SLC24A2: variants seen among roughly 807,000 people sequenced by gnomAD.
The protein encoded by SLC24A2 is sodium/potassium/calcium exchanger 2.
SLC24A2 carries 36 observed loss-of-function variants against 62.0 expected under a neutral mutation model. The ratio of observed to expected loss-of-function variants is 0.58; its 90% confidence interval spans 0.44 to 0.77. The LOEUF (loss-of-function observed/expected upper bound fraction) is 0.77. Among genes scored for constraint, SLC24A2 ranks in the 30% least tolerant of loss-of-function variants. The pLI is 0.00. For missense variants in SLC24A2, 846 were observed against 817.9 expected, an observed-to-expected ratio of 1.03 and a Z score of -0.42; for synonymous variants, 358 against 294.0, an observed-to-expected ratio of 1.22 and a Z score of -2.23.
intron 2 of SLC24A2, 117 bp from the exon 3 acceptor site, chr9:19,622,416 C>T: frequency 9.2e-7 from 1 of 1,089,320 alleles, no homozygotes; most frequent in South Asian, 1.3e-5. Flanking sequence ...ATTCTTTCTG[C>T]TCCTGGGATG....
At chr9:19,686,562 G>C (rs1405572136) in intron 2 of SLC24A2, among the ~76,000 whole-genome samples, 1 of 152,040 alleles carries the variant, frequency 6.6e-6, no homozygotes, top group Non-Finnish European at 1.5e-5. Flanking sequence ...TTTAATCATG[G>C]GGCGGTTACC....
chr9:19,887,060 G>A, the SLC24A2 span, among the ~76,000 whole-genome samples: 4 of 152,098 alleles, frequency 2.6e-5, no homozygotes, highest in Non-Finnish European at 5.9e-5. Context: ...AAGGGGACAG[G>A]GGAAGGGAGA....
chr9:19,654,491 T>C (rs558711401), intron 2 of SLC24A2, among the ~76,000 whole-genome samples: 2 of 152,180 alleles, frequency 1.3e-5, no homozygotes, highest in Non-Finnish European at 2.9e-5. Context: ...GATTGCTCCA[T>C]TGTGGAATCT....
At position 19,557,599 on chromosome 9, in the gene SLC24A2, C is replaced by CAGCT. The variant is rs1183811692; in HGVS notation, c.1348-7335_1348-7332dup. On this transcript the variant is annotated intron_variant, in intron 7 of 10. Transcript: ENST00000341998. The stretch of plus-strand genomic sequence containing the variant: ...TGTGCTGAATAAATGCTGGCAGGGC[C>CAGCT]AGCTAGTCAAGGCATGCAGCTGCCA... Among the ~76,000 whole-genome samples the CAGCT allele has an allele frequency of 2.6e-5, 4 of 152,314 alleles. No individual in the cohort carries two copies. The East Asian group carries it at 7.7e-4, about 29-fold the overall frequency.
the SLC24A2 span, among the ~76,000 whole-genome samples, chr9:19,985,970 T>C: frequency 6.6e-6 from 1 of 152,082 alleles, no homozygotes; most frequent in African/African-American, 2.4e-5. Flanking sequence ...AATGATATTA[T>C]TAAGAAAGTG....
At chr9:19,760,174 C>A (rs1014407418) in intron 2 of SLC24A2, among the ~76,000 whole-genome samples, 1 of 151,940 alleles carries the variant, frequency 6.6e-6, no homozygotes, top group Non-Finnish European at 1.5e-5. Context: ...TGTAGCTGGG[C>A]AATCACTCGG....
chr9:19,990,922 G>GATATATATATGTGTATGTATATAT, the SLC24A2 span, among the ~76,000 whole-genome samples: 1 of 120,812 alleles, frequency 8.3e-6, no homozygotes, highest in Non-Finnish European at 1.6e-5. Context: ...GGACTAATAG[G>GATATATATATGTGTATGTATATAT]ATATATATAT....
the SLC24A2 span, among the ~76,000 whole-genome samples, chr9:20,032,675 G>A: frequency 6.6e-6 from 1 of 152,176 alleles, no homozygotes; most frequent in South Asian, 2.1e-4. Context: ...TTCAGTTAAT[G>A]TGGACAAGGA....
At chr9:20,299,400 G>A in the SLC24A2 span, among the ~76,000 whole-genome samples, 1 of 152,190 alleles carries the variant, frequency 6.6e-6, no homozygotes, top group Non-Finnish European at 1.5e-5. Flanking sequence ...GCCAAGAAGT[G>A]GATTGACAGG....
the SLC24A2 span, among the ~76,000 whole-genome samples, chr9:19,999,720 A>G: frequency 6.6e-6 from 1 of 152,186 alleles, no homozygotes; most frequent in Non-Finnish European, 1.5e-5. Context: ...GTGAGTGAGC[A>G]GTTATGGAAT....
intron 5 of SLC24A2, among the ~76,000 whole-genome samples, chr9:19,581,469 G>A (rs919034060): frequency 6.6e-6 from 1 of 152,150 alleles, no homozygotes; most frequent in Non-Finnish European, 1.5e-5. Context: ...CCCAGAATAA[G>A]TAAGATGGAG....
At chr9:19,674,537 C>A (rs893937821) in intron 2 of SLC24A2, among the ~76,000 whole-genome samples, 1 of 152,148 alleles carries the variant, frequency 6.6e-6, no homozygotes, top group Non-Finnish European at 1.5e-5. Flanking sequence ...TCCCAAACTT[C>A]TTGGAGGCTT....
the SLC24A2 span, chr9:19,928,711 T>C: frequency 1.3e-5 from 2 of 152,224 alleles, no homozygotes; most frequent in African/African-American, 2.4e-5. Flanking sequence ...GGCATTGCAC[T>C]GATTCACATT....
chr9:20,252,301 T>C, the SLC24A2 span, among the ~76,000 whole-genome samples: 9 of 152,348 alleles, frequency 5.9e-5, no homozygotes, highest in South Asian at 1.9e-3. Flanking sequence ...ATAGTTTGTA[T>C]TGTACTTTCT....
chr9:19,739,014 G>A (rs1424418465), intron 2 of SLC24A2, among the ~76,000 whole-genome samples: 1 of 152,130 alleles, frequency 6.6e-6, no homozygotes, highest in Admixed American at 6.5e-5. Context: ...CTACTCATGA[G>A]GCTGAGGCAG....
intron 2 of SLC24A2, among the ~76,000 whole-genome samples, chr9:19,729,813 G>C (rs567057296): frequency 1.3e-5 from 2 of 152,204 alleles, no homozygotes; most frequent in South Asian, 2.1e-4. Flanking sequence ...CTCAACTATA[G>C]AATGCCTATA....
At chr9:19,597,000 T>A (rs1486711450) in intron 5 of SLC24A2, among the ~76,000 whole-genome samples, 1 of 152,222 alleles carries the variant, frequency 6.6e-6, no homozygotes, top group Admixed American at 6.5e-5. Context: ...TACATAATTA[T>A]GATGGTTTGA....
chr9:19,615,349 C>G (rs548019307), intron 4 of SLC24A2, among the ~76,000 whole-genome samples: 3 of 152,186 alleles, frequency 2.0e-5, no homozygotes, highest in African/African-American at 7.2e-5. Flanking sequence ...CTGACTGCAG[C>G]GTTCATGCCA....
At chr9:20,303,544 G>T in the SLC24A2 span, among the ~76,000 whole-genome samples, 3 of 152,278 alleles carry the variant, frequency 2.0e-5, no homozygotes, top group East Asian at 1.9e-4. Context: ...CACAAAAGAT[G>T]ATAGCCCCCA....
Sources: allele counts gnomAD v4.1 joint callset (sites outside exome capture counted in the v4.1 genomes callset), GRCh38; gene constraint gnomAD v4.1.1; transcripts MANE v1.5; gene names NCBI Gene and HGNC (gene_info 2026-07-23, HGNC 2026-07-21).